Variants in CFAP299 observed in about 807,000 individuals in gnomAD.
CFAP299 encodes cilia- and flagella-associated protein 299.
In CFAP299, 21 loss-of-function variants were observed where a neutral mutation model predicts 27.0. That is an observed-to-expected ratio of 0.78 (90% CI 0.55 to 1.12). The LOEUF (loss-of-function observed/expected upper bound fraction) is 1.12, where lower values mean the gene tolerates loss of function less well. CFAP299 is among the 50% of genes most tolerant of loss of function. CFAP299 has a pLI of 0.00. For synonymous variants in CFAP299, 104 were observed against 98.1 expected, an observed-to-expected ratio of 1.06 and a Z score of -0.36; for missense variants, 310 against 276.6, an observed-to-expected ratio of 1.12 and a Z score of -0.86.
At chr4:80,931,973 T>G (rs907812718) in intron 4 of CFAP299, among the ~76,000 whole-genome samples, 1 of 152,146 alleles carries the variant, frequency 6.6e-6, no homozygotes, top group African/African-American at 2.4e-5. Flanking sequence ...CTCCCTGTGG[T>G]TTGCTCTTAG....
At chr4:80,494,829 A>G (rs955446636) in intron 2 of CFAP299, among the ~76,000 whole-genome samples, 1 of 152,208 alleles carries the variant, frequency 6.6e-6, no homozygotes, top group African/African-American at 2.4e-5. Flanking sequence ...CCAAGATACA[A>G]TGGGGGTATA....
intron 3 of CFAP299, among the ~76,000 whole-genome samples, chr4:80,641,204 ATTTTTC>A (rs1163309008): frequency 6.6e-6 from 1 of 151,908 alleles, no homozygotes; most frequent in Non-Finnish European, 1.5e-5. Flanking sequence ...TATATAAACT[ATTTTTC>A]TTTTTCTTTT....
chr4:80,630,317 T>C (rs1343473667), intron 3 of CFAP299, among the ~76,000 whole-genome samples: 2 of 152,182 alleles, frequency 1.3e-5, no homozygotes, highest in Admixed American at 1.3e-4. Context: ...TCATTCTATA[T>C]CTGTGAAAGT....
At chr4:80,412,959 ACT>A (rs1003139263) in intron 2 of CFAP299, among the ~76,000 whole-genome samples, 1 of 152,140 alleles carries the variant, frequency 6.6e-6, no homozygotes, top group African/African-American at 2.4e-5. Flanking sequence ...GTTATGGAAG[ACT>A]CTGCTCAGGT....
chr4:80,562,188 A>AG (rs536820755), intron 2 of CFAP299, among the ~76,000 whole-genome samples: 19 of 152,248 alleles, frequency 1.2e-4, no homozygotes, highest in Middle Eastern at 3.4e-3. Flanking sequence ...ATACCACCAG[A>AG]GAAAAAATCA....
At chr4:80,483,530 G>C (rs562770374) in intron 2 of CFAP299, among the ~76,000 whole-genome samples, 1 of 151,920 alleles carries the variant, frequency 6.6e-6, no homozygotes, top group South Asian at 2.1e-4. Flanking sequence ...CCATAATCTT[G>C]TATAATGTGG....
At chr4:80,676,921 AT>A (rs1424654288) in intron 3 of CFAP299, among the ~76,000 whole-genome samples, 3 of 151,566 alleles carry the variant, frequency 2.0e-5, no homozygotes, top group East Asian at 1.9e-4. Context: ...GATATTCTGT[AT>A]TTTTTTAGTG....
At chr4:80,915,579 C>T (rs190062322) in intron 4 of CFAP299, among the ~76,000 whole-genome samples, 3 of 152,010 alleles carry the variant, frequency 2.0e-5, no homozygotes, top group Non-Finnish European at 4.4e-5. Context: ...TTTATTTCTT[C>T]AAGCATTTTT....
the CFAP299 span, among the ~76,000 whole-genome samples, chr4:80,324,538 A>G: frequency 6.6e-6 from 1 of 152,208 alleles, no homozygotes; most frequent in Non-Finnish European, 1.5e-5. Context: ...GCATGCGTCT[A>G]GAGTCACATT....
At chr4:80,526,001 G>A (rs1230980226) in intron 2 of CFAP299, among the ~76,000 whole-genome samples, 1 of 152,152 alleles carries the variant, frequency 6.6e-6, no homozygotes, top group Non-Finnish European at 1.5e-5. Flanking sequence ...TTACCAGAGA[G>A]TTAATTCACA....
intron 3 of CFAP299, among the ~76,000 whole-genome samples, chr4:80,826,923 A>G (rs971051690): frequency 6.6e-6 from 1 of 151,816 alleles, no homozygotes; most frequent in African/African-American, 2.4e-5. Context: ...ATATCCTGCA[A>G]CTCTGTGGAA....
intron 1 of CFAP299, among the ~76,000 whole-genome samples, chr4:80,341,848 T>C (rs1435323826): frequency 6.6e-6 from 1 of 152,158 alleles, no homozygotes; most frequent in Non-Finnish European, 1.5e-5. Context: ...GAGGTAGGCT[T>C]CACAAGTTGG....
rs187900255 is a variant in CFAP299 at position 80,552,604 on chromosome 4, A to G, written c.243-30489A>G. Among the ~76,000 whole-genome samples the G allele has an allele frequency of 9.2e-5, 14 of 152,354 alleles. No individual in the cohort carries two copies. The East Asian group carries it at 2.3e-3, about 25-fold the overall frequency. On this transcript the variant is annotated intron_variant, in intron 2 of 5. Transcript: ENST00000358105. The stretch of plus-strand genomic sequence containing the variant: ...TGTAGAGAGGAAAATGATTATGGAA[A>G]AAGAAAAATGTTTTGCTAACATGAA...
At chr4:80,414,867 CA>C (rs1223847350) in intron 2 of CFAP299, among the ~76,000 whole-genome samples, 1 of 152,198 alleles carries the variant, frequency 6.6e-6, no homozygotes, top group Non-Finnish European at 1.5e-5. Flanking sequence ...TTCATATTGA[CA>C]AATGTATTTT....
At chr4:80,700,562 A>T (rs1312759862) in intron 3 of CFAP299, among the ~76,000 whole-genome samples, 1 of 152,050 alleles carries the variant, frequency 6.6e-6, no homozygotes, top group Non-Finnish European at 1.5e-5. Context: ...AGCAAGCTAT[A>T]ACTGGAGCTC....
At chr4:80,592,510 A>C (rs1736838202) in intron 3 of CFAP299, among the ~76,000 whole-genome samples, 1 of 152,208 alleles carries the variant, frequency 6.6e-6, no homozygotes, top group Admixed American at 6.5e-5. Flanking sequence ...GAAATGGATA[A>C]ATTAAATGGC....
intron 2 of CFAP299, among the ~76,000 whole-genome samples, chr4:80,449,996 C>T (rs1728820615): frequency 6.6e-6 from 1 of 152,120 alleles, no homozygotes; most frequent in East Asian, 1.9e-4. Context: ...TTTCTCTCTT[C>T]CTCTGCCTAA....
chr4:80,446,059 A>G (rs1446674215), intron 2 of CFAP299, among the ~76,000 whole-genome samples: 1 of 152,098 alleles, frequency 6.6e-6, no homozygotes, highest in Admixed American at 6.6e-5. Context: ...AGATTTTGAG[A>G]TGGAGATTAG....
At chr4:80,921,086 C>T (rs1371021686) in intron 4 of CFAP299, among the ~76,000 whole-genome samples, 1 of 152,014 alleles carries the variant, frequency 6.6e-6, no homozygotes, top group Non-Finnish European at 1.5e-5. Context: ...AAGCCCAGTT[C>T]TCATATTCTT....
Sources: allele counts gnomAD v4.1 joint callset (sites outside exome capture counted in the v4.1 genomes callset), GRCh38; gene constraint gnomAD v4.1.1; transcripts MANE v1.5; gene names NCBI Gene and HGNC (gene_info 2026-07-23, HGNC 2026-07-21).